Variants in SMIM13 observed in about 807,000 individuals in gnomAD.
SMIM13 encodes the protein small integral membrane protein 13, also known as UPF0766 protein C6orf228.
In SMIM13, 3 loss-of-function variants were observed where a neutral mutation model predicts 5.9. That is an observed-to-expected ratio of 0.51 (90% confidence interval 0.23 to 1.31). SMIM13 has a LOEUF of 1.31. Ranked by LOEUF, SMIM13 falls within the 40% of genes most tolerant of loss-of-function variation. The pLI, the probability that SMIM13 is intolerant of heterozygous loss-of-function variation, is 0.18. For missense variants in SMIM13, 85 were observed against 109.9 expected, an observed-to-expected ratio of 0.77 and a Z score of 1.01; for synonymous variants, 55 against 46.0, an observed-to-expected ratio of 1.19 and a Z score of -0.79.
rs138810777 is a variant in SMIM13 at position 11,122,585 on chromosome 6, G to A, written c.77-11818G>A. Among the ~76,000 whole-genome samples, 9 of 151,948 alleles carry A rather than the reference G, an allele frequency of 5.9e-5. No individual in the cohort carries two copies. In the East Asian group the frequency reaches 1.7e-3, roughly 29 times the overall value. Reference sequence around the variant, plus strand: ...AGGCCTGTGACCTTTTTGCAGTATGGACCAAAGGTCAGGCCTATCTTCTTG... The same window carrying A: ...AGGCCTGTGACCTTTTTGCAGTATGAACCAAAGGTCAGGCCTATCTTCTTG... On this transcript the variant is annotated intron_variant, in intron 1 of 1. Coordinates refer to ENST00000416247, the MANE Select transcript of SMIM13 (RefSeq NM_001135575.2).
At chr6:11,099,858 G>A (rs1179462403) in intron 1 of SMIM13, among the ~76,000 whole-genome samples, 1 of 151,948 alleles carries the variant, frequency 6.6e-6, no homozygotes, top group East Asian at 1.9e-4. Context: ...TTCTTTCTCT[G>A]CTTGCCATTG....
At chr6:11,097,507 G>A (rs966633611) in intron 1 of SMIM13, among the ~76,000 whole-genome samples, 3 of 145,706 alleles carry the variant, frequency 2.1e-5, no homozygotes, top group Non-Finnish European at 4.6e-5. Flanking sequence ...AAAAAAAAAA[G>A]AATACCAAAA....
intron 1 of SMIM13, among the ~76,000 whole-genome samples, chr6:11,117,497 G>A (rs931139506): frequency 6.6e-6 from 1 of 151,694 alleles, no homozygotes; most frequent in Non-Finnish European, 1.5e-5. Flanking sequence ...TTGTTTGTAA[G>A]TATTGATTTT....
chr6:11,123,740 T>C (rs1033908449), intron 1 of SMIM13, among the ~76,000 whole-genome samples: 10 of 152,368 alleles, frequency 6.6e-5, no homozygotes, highest in African/African-American at 2.2e-4. Flanking sequence ...AATACATACA[T>C]ATAATTTACC....
Position 11,094,248 on chromosome 6 carries a change from GCCGCCGCCCGCGCTCA to G in SMIM13, c.-59_-44del, listed in dbSNP as rs1757891636. On this transcript the variant is annotated 5_prime_UTR_variant, in exon 1 of 2. Coordinates refer to ENST00000416247, the MANE Select transcript of SMIM13 (RefSeq NM_001135575.2). The stretch of plus-strand genomic sequence containing the variant: ...CGCCCGCCGCTGAAGCGCAGGACGC[GCCGCCGCCCGCGCTCA>G]CCGCCGTCCGCGCCAGCCGCCCCGA... The G allele has an allele frequency of 9.8e-7, 1 of 1,015,476 alleles. No homozygotes were observed. The highest frequency in any genetic ancestry group is 1.3e-6 in the Non-Finnish European group (1 of 791,402). The allele number at this position is 1,015,476 out of a possible 1,614,324, so 62.9% of individuals were successfully genotyped here.
chr6:11,134,710 G>A lies in SMIM13; in HGVS notation c.*108G>A, dbSNP rs560493321. On this transcript the variant is annotated 3_prime_UTR_variant, in exon 2 of 2. Coordinates refer to ENST00000416247, the MANE Select transcript of SMIM13 (RefSeq NM_001135575.2). ...GAACATTTGTATTGGATTTTAAGTC[G>A]AATTTTAAAAAAGATTTACATGTAA... 25 of 889,466 alleles carry A rather than the reference G, an allele frequency of 2.8e-5. No individual in the cohort carries two copies. Among genetic ancestry groups the A allele is most frequent in the South Asian group, 7.6e-5 (2 of 26,220 alleles). 55.1% of individuals were successfully genotyped at this position (889,466 alleles called of 1,614,324 possible).
Position 11,128,195 on chromosome 6 carries a change from GTTGACTA to G in SMIM13, c.77-6205_77-6199del, listed in dbSNP as rs111561923. On this transcript the variant is annotated intron_variant, in intron 1 of 1. Transcript: ENST00000416247. Reference sequence around the variant, plus strand: ...CAGTAAGTACTGTTTGGCTACCACTGTTGACTATTTGGGGCCCAAGGGCTGTCTACTA... The same window carrying G: ...CAGTAAGTACTGTTTGGCTACCACTGTTTGGGGCCCAAGGGCTGTCTACTA... Among the ~76,000 whole-genome samples, 1,449 of 152,246 alleles carry G rather than the reference GTTGACTA, an allele frequency of 9.5e-3. 27 individuals are homozygous for G. The highest frequency in any genetic ancestry group is 0.033 in the African/African-American group (1,376 of 41,534).
chr6:11,124,149 C>T (rs762332551), intron 1 of SMIM13, among the ~76,000 whole-genome samples: 27 of 152,276 alleles, frequency 1.8e-4, no homozygotes, highest in Middle Eastern at 3.4e-3. Context: ...CCACTCCCTG[C>T]CCCTTCAGTA....
intron 1 of SMIM13, among the ~76,000 whole-genome samples, chr6:11,117,899 C>T (rs1758262742): frequency 6.6e-6 from 1 of 152,056 alleles, no homozygotes; most frequent in Non-Finnish European, 1.5e-5. Flanking sequence ...GCATGCCCAA[C>T]AAATTTTTGT....
chr6:11,098,034 G>C (rs1210792095), intron 1 of SMIM13, among the ~76,000 whole-genome samples: 1 of 151,816 alleles, frequency 6.6e-6, no homozygotes, highest in Non-Finnish European at 1.5e-5. Flanking sequence ...CTGCTCTTTG[G>C]GCTGGGTCTC....
At chr6:11,099,357 T>G (rs1344298132) in intron 1 of SMIM13, among the ~76,000 whole-genome samples, 1 of 152,168 alleles carries the variant, frequency 6.6e-6, no homozygotes, top group Non-Finnish European at 1.5e-5. Flanking sequence ...GTATTTTTAG[T>G]AGCGATGGGG....
intron 1 of SMIM13, among the ~76,000 whole-genome samples, chr6:11,116,982 CTTTTTTTTTTTTT>C (rs68092921): frequency 8.6e-5 from 4 of 46,446 alleles, no homozygotes; most frequent in African/African-American, 1.8e-4. Context: ...ATAATTGTTT[CTTTTTTTTTTTTT>C]TTTTTTTTTT....
intron 1 of SMIM13, among the ~76,000 whole-genome samples, chr6:11,106,733 T>C (rs28542236): frequency 0.22 from 32,905 of 152,154 alleles, 3,914 homozygotes; most frequent in African/African-American, 0.31. Context: ...GCTGTTTAGT[T>C]AGCTAACCTA....
intron 1 of SMIM13, among the ~76,000 whole-genome samples, chr6:11,100,051 T>C (rs951956340): frequency 1.3e-5 from 2 of 151,698 alleles, no homozygotes; most frequent in Admixed American, 1.3e-4. Flanking sequence ...ATTGTTTTTT[T>C]GTTTTTGTTT....
chr6:11,103,442 C>A, intron 1 of SMIM13: 1 of 485,634 alleles, frequency 2.1e-6, no homozygotes, highest in Non-Finnish European at 3.5e-6. Context: ...TAGCTACCTG[C>A]TCCAACATTT....
chr6:11,134,491 T>C lies in SMIM13; in HGVS notation c.165T>C (p.His55=), dbSNP rs1480367778. The change falls in exon 2 of 2, where the codon CAT becomes CAC. Residue 55 remains histidine, a synonymous_variant. Transcript: ENST00000416247. ...VGDTGSQEGD[H]EPSGSETEED... ...ACACAGGATCCCAAGAGGGAGATCATGAGCCTTCAGGGTCTGAAACTGAAG... is the reference window on the plus strand; with the variant it reads ...ACACAGGATCCCAAGAGGGAGATCACGAGCCTTCAGGGTCTGAAACTGAAG... The C allele has an allele frequency of 3.9e-6, 6 of 1,551,106 alleles. No individual in the cohort carries two copies. Among genetic ancestry groups the C allele is most frequent in the East Asian group, 4.9e-5 (2 of 40,924 alleles).
intron 1 of SMIM13, among the ~76,000 whole-genome samples, chr6:11,129,935 A>G (rs996192702): frequency 2.0e-5 from 3 of 152,042 alleles, no homozygotes; most frequent in African/African-American, 4.8e-5. Context: ...CAGATGTGTC[A>G]TGTGTCGTTT....
intron 1 of SMIM13, among the ~76,000 whole-genome samples, chr6:11,110,444 T>G (rs1758150363): frequency 6.6e-6 from 1 of 152,200 alleles, no homozygotes; most frequent in Admixed American, 6.5e-5. Context: ...AGATTCTCAT[T>G]TCCCATGTTC....
intron 1 of SMIM13, among the ~76,000 whole-genome samples, chr6:11,124,326 T>C (rs551960896): frequency 6.6e-6 from 1 of 152,368 alleles, no homozygotes; most frequent in East Asian, 1.9e-4. Context: ...TGACAGGATC[T>C]CATTCTTTTC....
Sources: gnomAD v4.1 joint callset for allele counts (sites outside exome capture counted in the v4.1 genomes callset) on GRCh38, gnomAD v4.1.1 for gene constraint, MANE v1.5 for transcripts, NCBI Gene and HGNC (gene_info 2026-07-23, HGNC 2026-07-21) for gene names.